Variants in ATXN7L1 observed in about 807,000 individuals in gnomAD.
ATXN7L1 encodes ataxin-7-like protein 1.
ATXN7L1 carries 15 observed loss-of-function variants against 70.8 expected under a neutral mutation model. The observed-to-expected ratio is 0.21, with a 90% CI of 0.14 to 0.33. The LOEUF is 0.33. Ranked by LOEUF, ATXN7L1 falls within the 10% of genes least tolerant of loss-of-function variation. The pLI, the probability that ATXN7L1 is intolerant of heterozygous loss-of-function variation, is 1.00. For synonymous variants in ATXN7L1, 440 were observed against 445.1 expected (o/e 0.99, Z 0.14); for missense variants, 975 against 1,097.1 (o/e 0.89, Z 1.57).
intron 2 of ATXN7L1, among the ~76,000 whole-genome samples, chr7:105,846,151 A>G (rs1003709136): frequency 3.3e-5 from 5 of 152,214 alleles, no homozygotes; most frequent in African/African-American, 1.2e-4. Context: ...ATATCTGATA[A>G]GAAATATATA....
At chr7:105,657,272 G>A (rs777053818) in intron 4 of ATXN7L1, among the ~76,000 whole-genome samples, 21 of 152,106 alleles carry the variant, frequency 1.4e-4, no homozygotes, top group Non-Finnish European at 2.5e-4. Context: ...AACTCCTGAT[G>A]GGAGCGTAAC....
At chr7:105,781,565 A>C (rs1803537562) in intron 3 of ATXN7L1, among the ~76,000 whole-genome samples, 1 of 152,198 alleles carries the variant, frequency 6.6e-6, no homozygotes, top group South Asian at 2.1e-4. Context: ...AGAGTCACAA[A>C]CATCTCCTTT....
In ATXN7L1 at chr7:105,733,645, T is replaced by TCCACCCAACCAC. The variant is rs1563049095; in HGVS notation, c.355+54958_355+54959insGTGGTTGGGTGG. ...ATCCATCCATCCACCCATCCATCCA[T>TCCACCCAACCAC]CCATCCATCCATCCATCCATCCATC... On this transcript the variant is annotated intron_variant, in intron 3 of 11. Coordinates refer to ENST00000419735, the MANE Select transcript of ATXN7L1 (RefSeq NM_020725.2). Among the ~76,000 whole-genome samples the TCCACCCAACCAC allele has an allele frequency of 4.0e-4, 53 of 131,976 alleles. 4 individuals carry two copies. Among genetic ancestry groups the TCCACCCAACCAC allele is most frequent in the Middle Eastern group, 4.0e-3 (1 of 250 alleles). 86.6% of individuals were successfully genotyped at this position (131,976 alleles called of 152,430 possible).
At chr7:105,765,316 A>G (rs78724447) in intron 3 of ATXN7L1, among the ~76,000 whole-genome samples, 2 of 65,870 alleles carry the variant, frequency 3.0e-5, no homozygotes, top group Non-Finnish European at 5.3e-5. Flanking sequence ...CCTGGGTCAG[A>G]AAAAAAAAAA....
At chr7:105,826,031 A>T (rs1006194477) in intron 2 of ATXN7L1, among the ~76,000 whole-genome samples, 3 of 152,182 alleles carry the variant, frequency 2.0e-5, no homozygotes, top group Admixed American at 2.0e-4. Context: ...AAACCAATAA[A>T]TGAAGAAGTA....
chr7:105,684,843 C>T (rs955434024), intron 3 of ATXN7L1, among the ~76,000 whole-genome samples: 2 of 152,268 alleles, frequency 1.3e-5, no homozygotes, highest in East Asian at 3.9e-4. Context: ...TTGTACCGAA[C>T]CATGTGCCAT....
intron 2 of ATXN7L1, among the ~76,000 whole-genome samples, chr7:105,790,427 A>T (rs560100881): frequency 5.9e-5 from 9 of 152,178 alleles, no homozygotes; most frequent in Non-Finnish European, 1.3e-4. Flanking sequence ...AAAAATGTAC[A>T]AAAATCAGCC....
At chr7:105,723,964 C>T (rs1351053079) in intron 3 of ATXN7L1, among the ~76,000 whole-genome samples, 1 of 152,116 alleles carries the variant, frequency 6.6e-6, no homozygotes, top group African/African-American at 2.4e-5. Flanking sequence ...AGACACTGCT[C>T]GATGTAGGAC....
At chr7:105,870,969 G>C (rs547264377) in intron 2 of ATXN7L1, among the ~76,000 whole-genome samples, 2 of 151,940 alleles carry the variant, frequency 1.3e-5, no homozygotes, top group Admixed American at 1.3e-4. Flanking sequence ...ATTTGCAGCA[G>C]AATATTGCTT....
At chr7:105,660,886 T>C (rs1801505221) in intron 4 of ATXN7L1, among the ~76,000 whole-genome samples, 1 of 152,130 alleles carries the variant, frequency 6.6e-6, no homozygotes, top group African/African-American at 2.4e-5. Context: ...TGGCCAGAAG[T>C]GACCTCTTTT....
intron 4 of ATXN7L1, among the ~76,000 whole-genome samples, chr7:105,659,900 C>T (rs576763135): frequency 6.7e-4 from 102 of 151,342 alleles, no homozygotes; most frequent in Non-Finnish European, 1.2e-3. Context: ...TTTTTTGAGA[C>T]GTGTAGATAT....
intron 3 of ATXN7L1, among the ~76,000 whole-genome samples, chr7:105,730,184 C>G (rs1364393162): frequency 6.6e-6 from 1 of 152,106 alleles, no homozygotes; most frequent in East Asian, 1.9e-4. Flanking sequence ...CTACCTCAGT[C>G]AGGTGATCAA....
At chr7:105,664,575 G>GTGTATATATATATATATATATATATATA in intron 4 of ATXN7L1, among the ~76,000 whole-genome samples, 19 of 131,974 alleles carry the variant, frequency 1.4e-4, no homozygotes, top group East Asian at 8.0e-4. Context: ...GTATGTGTGT[G>GTGTATATATATATATATATATATATATA]TATATATATA....
At chr7:105,842,517 T>G (rs1184824059) in intron 2 of ATXN7L1, among the ~76,000 whole-genome samples, 1 of 152,244 alleles carries the variant, frequency 6.6e-6, no homozygotes. Flanking sequence ...TCAAGGTTCA[T>G]CCATGTTATA....
intron 3 of ATXN7L1, among the ~76,000 whole-genome samples, chr7:105,700,393 G>A (rs1584770098): frequency 6.6e-6 from 1 of 150,744 alleles, no homozygotes; most frequent in Admixed American, 6.7e-5. Flanking sequence ...TGTTGTCCCA[G>A]CTACTTAGGA....
chr7:105,770,152 T>C (rs940751284), intron 3 of ATXN7L1, among the ~76,000 whole-genome samples: 2 of 152,242 alleles, frequency 1.3e-5, no homozygotes, highest in African/African-American at 4.8e-5. Context: ...GGATTTCCCC[T>C]TTAAAAACTT....
chr7:105,686,082 T>G (rs950871372), intron 3 of ATXN7L1, among the ~76,000 whole-genome samples: 1 of 151,946 alleles, frequency 6.6e-6, no homozygotes, highest in South Asian at 2.1e-4. Context: ...TCCTCGTCCA[T>G]CTAAGGTTAG....
At chr7:105,780,257 C>T (rs1563086407) in intron 3 of ATXN7L1, among the ~76,000 whole-genome samples, 1 of 152,180 alleles carries the variant, frequency 6.6e-6, no homozygotes, top group Non-Finnish European at 1.5e-5. Context: ...TCTCAGTATC[C>T]AACCAGCATC....
chr7:105,787,192 C>T (rs1002360674), intron 3 of ATXN7L1, among the ~76,000 whole-genome samples: 1 of 152,224 alleles, frequency 6.6e-6, no homozygotes, highest in Non-Finnish European at 1.5e-5. Context: ...TCCTTTCCTG[C>T]TCAGTCTGCC....
Sources: allele counts gnomAD v4.1 joint callset (sites outside exome capture counted in the v4.1 genomes callset), GRCh38; gene constraint gnomAD v4.1.1; transcripts MANE v1.5; gene names NCBI Gene and HGNC (gene_info 2026-07-23, HGNC 2026-07-21).